EXT2: variants seen among roughly 807,000 people sequenced by gnomAD.
The protein encoded by EXT2 is exostosin-2.
In EXT2, 53 loss-of-function variants were observed where a neutral mutation model predicts 81.6. That is an observed-to-expected ratio of 0.65 (90% CI 0.52 to 0.82). The LOEUF is 0.82. EXT2 is among the 40% of genes least tolerant of loss of function. The pLI is 0.00. For missense variants in EXT2, 774 were observed against 910.2 expected, an observed-to-expected ratio of 0.85 and a Z score of 1.93; for synonymous variants, 320 against 340.0, an observed-to-expected ratio of 0.94 and a Z score of 0.65.
intron 3 of EXT2, among the ~76,000 whole-genome samples, chr11:44,113,937 T>C (rs1374725838): frequency 6.6e-6 from 1 of 152,098 alleles, no homozygotes; most frequent in African/African-American, 2.4e-5. Flanking sequence ...TGGACTATGA[T>C]GTGTTTCAAA....
rs116871301 is a variant in EXT2, at chr11:44,206,429, T to C, written c.1496-364T>C. 5.8e-4 allele frequency among the ~76,000 whole-genome samples: 88 copies of C among 152,358 alleles called. No individual in the cohort carries two copies. The East Asian group carries it at 0.014, about 24-fold the overall frequency. Reference sequence around the variant, plus strand: ...GCAGACCTTATTTCTCTTCCTGTCATTGTGACCTTGGTCGAGTCGTTTTGC... The same window carrying C: ...GCAGACCTTATTTCTCTTCCTGTCACTGTGACCTTGGTCGAGTCGTTTTGC... On this transcript the variant is annotated intron_variant, in intron 9 of 13. Coordinates refer to ENST00000533608, the MANE Select transcript of EXT2 (RefSeq NM_207122.2).
intron 13 of EXT2, among the ~76,000 whole-genome samples, chr11:44,239,322 G>A (rs1213890121): frequency 6.6e-6 from 1 of 151,944 alleles, no homozygotes; most frequent in Non-Finnish European, 1.5e-5. Flanking sequence ...GGGACAGGAG[G>A]TGATGTTAAT....
chr11:44,190,521 A>G (rs1162325193), intron 8 of EXT2, among the ~76,000 whole-genome samples: 1 of 152,172 alleles, frequency 6.6e-6, no homozygotes, highest in East Asian at 1.9e-4. Context: ...CATTTAAATC[A>G]GATATAGGTT....
intron 9 of EXT2, among the ~76,000 whole-genome samples, chr11:44,205,048 T>C (rs1222208817): frequency 6.6e-6 from 1 of 152,288 alleles, no homozygotes; most frequent in East Asian, 1.9e-4. Flanking sequence ...CTGCAGGTCC[T>C]TTTTGGTCTT....
chr11:44,182,985 C>T (rs1042202799), intron 8 of EXT2, among the ~76,000 whole-genome samples: 50 of 152,096 alleles, frequency 3.3e-4, no homozygotes, highest in African/African-American at 1.1e-3. Context: ...TTCTGTAAGA[C>T]GTCCTTTGAT....
chr11:44,168,748 C>A (rs991406024), intron 7 of EXT2, among the ~76,000 whole-genome samples: 4 of 152,092 alleles, frequency 2.6e-5, no homozygotes, highest in African/African-American at 9.7e-5. Context: ...CAAAAGTATC[C>A]TTCAAAAATT....
intron 8 of EXT2, among the ~76,000 whole-genome samples, chr11:44,180,324 G>C (rs186245375): frequency 6.6e-6 from 1 of 152,194 alleles, no homozygotes; most frequent in Admixed American, 6.5e-5. Flanking sequence ...TTTCATTAAA[G>C]TGGTATTTAT....
rs1956126768 is a variant in EXT2 at position 44,250,058 on chromosome 11, A to C, written c.*5771A>C. Among the ~76,000 whole-genome samples the C allele has an allele frequency of 6.6e-6, 1 of 152,228 alleles. No homozygotes were observed. Among genetic ancestry groups the C allele is most frequent in the African/African-American group, 2.4e-5 (1 of 41,458 alleles). On this transcript the variant is annotated 3_prime_UTR_variant, in exon 14 of 14. Coordinates refer to ENST00000533608, the MANE Select transcript of EXT2 (RefSeq NM_207122.2). ...ACACTCCAGCCTGGGCGACAGAGCA[A>C]GACTCCGTCTCAAAAGAGAAAATGT... is the stretch of plus-strand genomic sequence containing the variant.
At chr11:44,183,415 A>G (rs1006213305) in intron 8 of EXT2, among the ~76,000 whole-genome samples, 2 of 152,174 alleles carry the variant, frequency 1.3e-5, no homozygotes, top group African/African-American at 2.4e-5. Flanking sequence ...ATAAGTTACT[A>G]ATTTTTTTGA....
chr11:44,233,580 CAGCAGT>C (rs1418860874), intron 11 of EXT2, among the ~76,000 whole-genome samples: 1 of 152,120 alleles, frequency 6.6e-6, no homozygotes, highest in Non-Finnish European at 1.5e-5. Flanking sequence ...TGTCTGTTGT[CAGCAGT>C]AGCATAAAGA....
At chr11:44,188,313 T>C (rs767790579) in intron 8 of EXT2, among the ~76,000 whole-genome samples, 1 of 152,178 alleles carries the variant, frequency 6.6e-6, no homozygotes, top group Non-Finnish European at 1.5e-5. Context: ...ATTTAAATCC[T>C]GTGGCCCATC....
chr11:44,156,596 A>G (rs1055259950), intron 7 of EXT2, among the ~76,000 whole-genome samples: 5 of 152,164 alleles, frequency 3.3e-5, no homozygotes, highest in Non-Finnish European at 5.9e-5. Flanking sequence ...TGTTAAATTT[A>G]TCTGTTAGAA....
intron 13 of EXT2, among the ~76,000 whole-genome samples, chr11:44,241,023 A>G (rs544016180): frequency 3.9e-4 from 59 of 152,228 alleles, no homozygotes; most frequent in Non-Finnish European, 7.1e-4. Flanking sequence ...CAAAACAATG[A>G]AAGCAGTTAG....
In EXT2 at chr11:44,124,784, T is replaced by C. The variant is rs777393587; in HGVS notation, c.744-5T>C. 1 of 1,614,026 alleles carries C rather than the reference T, an allele frequency of 6.2e-7. No individual in the cohort carries two copies. Among genetic ancestry groups the C allele is most frequent in the Non-Finnish European group, 8.5e-7 (1 of 1,179,948 alleles). ...TTTCCAATCACCTGTTTTTTTCCCT[T>C]GTAGTCCACGGCAATACTTCCTCCT... On this transcript the variant is annotated splice_region_variant and splice_polypyrimidine_tract_variant and intron_variant, in intron 4 of 13. Coordinates refer to ENST00000533608, the MANE Select transcript of EXT2 (RefSeq NM_207122.2).
At chr11:44,142,677 T>A (rs997920930) in intron 7 of EXT2, among the ~76,000 whole-genome samples, 1 of 152,218 alleles carries the variant, frequency 6.6e-6, no homozygotes, top group African/African-American at 2.4e-5. Flanking sequence ...GTTTTTCCTT[T>A]GGTTTTAAGC....
At chr11:44,135,735 G>A (rs1413885564) in intron 7 of EXT2, among the ~76,000 whole-genome samples, 1 of 152,168 alleles carries the variant, frequency 6.6e-6, no homozygotes, top group Non-Finnish European at 1.5e-5. Flanking sequence ...CATATTGAAT[G>A]TAAGGATAGC....
At chr11:44,196,600 G>A (rs1565230483) in intron 8 of EXT2, among the ~76,000 whole-genome samples, 1 of 150,998 alleles carries the variant, frequency 6.6e-6, no homozygotes. Context: ...CCGACTGACA[G>A]GACCAACCAG....
intron 1 of EXT2, among the ~76,000 whole-genome samples, chr11:44,103,363 C>T (rs1027914436): frequency 7.9e-5 from 12 of 152,274 alleles, no homozygotes; most frequent in African/African-American, 2.4e-4. Flanking sequence ...TCGGCTTCTA[C>T]ATTCAGTCTG....
At chr11:44,195,290 C>G (rs1955441817) in intron 8 of EXT2, among the ~76,000 whole-genome samples, 1 of 151,862 alleles carries the variant, frequency 6.6e-6, no homozygotes, top group Admixed American at 6.6e-5. Flanking sequence ...CAAAATTAGC[C>G]CAGTGTGGTG....
Sources: allele counts gnomAD v4.1 joint callset (sites outside exome capture counted in the v4.1 genomes callset), GRCh38; gene constraint gnomAD v4.1.1; transcripts MANE v1.5; gene names NCBI Gene and HGNC (gene_info 2026-07-23, HGNC 2026-07-21).